The following AGAP1 variants were observed in gnomAD, a reference collection of about 807,000 sequenced individuals.
AGAP1 encodes the protein ArfGAP with GTPase domain, ankyrin repeat and PH domain 1.
A neutral mutation model predicts 105.3 loss-of-function variants in AGAP1; 29 were observed. The observed-to-expected ratio is 0.28, with a 90% CI of 0.21 to 0.38. The LOEUF (loss-of-function observed/expected upper bound fraction) is 0.38, where lower values mean the gene tolerates loss of function less well. Among genes scored for constraint, AGAP1 ranks in the 10% least tolerant of loss-of-function variants. The pLI is 1.00. For missense variants in AGAP1, 998 were observed against 1,165.1 expected (o/e 0.86, Z 2.09); for synonymous variants, 509 against 485.9 (o/e 1.05, Z -0.63).
chr2:235,886,655 A>G (rs551487191), intron 10 of AGAP1, among the ~76,000 whole-genome samples: 1 of 152,308 alleles, frequency 6.6e-6, no homozygotes, highest in Non-Finnish European at 1.5e-5. Context: ...AGCCAATGTC[A>G]TTTTCAAATG....
At chr2:235,804,757 C>T (rs1314597825) in intron 8 of AGAP1, among the ~76,000 whole-genome samples, 1 of 152,192 alleles carries the variant, frequency 6.6e-6, no homozygotes, top group Non-Finnish European at 1.5e-5. Context: ...ACTATGGTGG[C>T]TTGCTGTGCG....
rs1951978011 is a variant in AGAP1 at position 235,732,014 on chromosome 2, C to G, written c.311-8949C>G. ...TTTCTCCAGCACAAAAACCTGTGTG[C>G]TGTTTTTCTGCAGACCTTGGTTTTC... On this transcript the variant is annotated intron_variant, in intron 3 of 17. Transcript: ENST00000304032. The surrounding 1 kb of genome is among the most constrained non-coding windows in gnomAD (Gnocchi z 4.8). Among the ~76,000 whole-genome samples, 1 of 152,138 alleles carries G rather than the reference C, an allele frequency of 6.6e-6. No homozygotes were observed. Among genetic ancestry groups the G allele is most frequent in the Admixed American group, 6.5e-5 (1 of 15,274 alleles).
At chr2:236,021,184 A>AAT (rs954386656) in intron 13 of AGAP1, among the ~76,000 whole-genome samples, 9 of 151,496 alleles carry the variant, frequency 5.9e-5, no homozygotes, top group African/African-American at 2.2e-4. Flanking sequence ...AAAAAAAAAA[A>AAT]CTAATACAGA....
chr2:235,998,356 T>C (rs1056994453), intron 13 of AGAP1, among the ~76,000 whole-genome samples: 1 of 152,214 alleles, frequency 6.6e-6, no homozygotes, highest in Non-Finnish European at 1.5e-5. Context: ...CTGAGACATA[T>C]GTCAGGTTTC....
chr2:235,935,157 G>A (rs1442372357), intron 12 of AGAP1, among the ~76,000 whole-genome samples: 3 of 152,162 alleles, frequency 2.0e-5, no homozygotes, highest in Non-Finnish European at 4.4e-5. Flanking sequence ...AGTACCTGAG[G>A]TTTAAAATTA....
At position 235,983,639 on chromosome 2, in the gene AGAP1, C is replaced by T. The variant is rs905159138; in HGVS notation, c.1645+15016C>T. On this transcript the variant is annotated intron_variant, in intron 13 of 17. Coordinates refer to ENST00000304032, the MANE Select transcript of AGAP1 (RefSeq NM_001037131.3). This position sits in a 1 kb window ranked among gnomAD's most constrained non-coding sequence, Gnocchi z 4.5. Reference sequence around the variant, plus strand: ...TGGTGGTCCCATGAGATTATAATACCGTGTCCTTACTGTGCCTTTTCTATG... The same window carrying T: ...TGGTGGTCCCATGAGATTATAATACTGTGTCCTTACTGTGCCTTTTCTATG... Among the ~76,000 whole-genome samples the T allele has an allele frequency of 1.3e-5, 2 of 152,048 alleles. No individual in the cohort carries two copies. The highest frequency in any genetic ancestry group is 2.4e-5 in the African/African-American group (1 of 41,398).
At position 235,553,336 on chromosome 2, in the gene AGAP1, T is replaced by G. The variant is rs540911250; in HGVS notation, c.163+58487T>G. 2.2e-4 allele frequency among the ~76,000 whole-genome samples: 33 copies of G among 151,986 alleles called. No homozygotes were observed. The highest frequency in any genetic ancestry group is 8.0e-4 in the African/African-American group (33 of 41,448). On this transcript the variant is annotated intron_variant, in intron 1 of 17. Transcript: ENST00000304032. This position sits in a 1 kb window ranked among gnomAD's most constrained non-coding sequence, Gnocchi z 4.5. ...CAGTGGGGGTCAGAGGAAGTTGGGTTTTTTTTTGTCTTGGTCAGGTCACGA... is the reference window on the plus strand; with the variant it reads ...CAGTGGGGGTCAGAGGAAGTTGGGTGTTTTTTTGTCTTGGTCAGGTCACGA...
chr2:235,696,472 C>A (rs565190235), intron 1 of AGAP1, among the ~76,000 whole-genome samples: 1 of 152,102 alleles, frequency 6.6e-6, no homozygotes, highest in African/African-American at 2.4e-5. Context: ...GGTCGGGTGC[C>A]CCAGCTTCCA....
At chr2:235,972,182 T>TGACCAAGTGCTGAAAAGATGG (rs2125364387) in intron 13 of AGAP1, among the ~76,000 whole-genome samples, 1 of 152,370 alleles carries the variant, frequency 6.6e-6, no homozygotes, top group East Asian at 1.9e-4. Context: ...CTCTATCGCC[T>TGACCAAGTGCTGAAAAGATGG]GACCAAGTGC....
rs1575273955 is a variant in AGAP1 at position 235,736,658 on chromosome 2, C to T, written c.311-4305C>T. ...CCGCTTGAGCCCAGGAGTTCGAGAC[C>T]AGCCTGGGCAACACAATGAGGCCCC... On this transcript the variant is annotated intron_variant, in intron 3 of 17. Coordinates refer to ENST00000304032, the MANE Select transcript of AGAP1 (RefSeq NM_001037131.3). This position sits in a 1 kb window ranked among gnomAD's most constrained non-coding sequence, Gnocchi z 5.5. Among the ~76,000 whole-genome samples the T allele has an allele frequency of 6.6e-6, 1 of 152,074 alleles. No individual in the cohort carries two copies. Among genetic ancestry groups the T allele is most frequent in the South Asian group, 2.1e-4 (1 of 4,828 alleles).
chr2:235,646,110 A>G (rs1947374358), intron 1 of AGAP1, among the ~76,000 whole-genome samples: 1 of 152,036 alleles, frequency 6.6e-6, no homozygotes, highest in Non-Finnish European at 1.5e-5. Context: ...TCTAGTCTGT[A>G]CTGAAAATAC....
Position 235,872,639 on chromosome 2 carries a change from G to A in AGAP1, c.1051-10706G>A, listed in dbSNP as rs891087543. Among the ~76,000 whole-genome samples the A allele has an allele frequency of 9.9e-5, 15 of 152,218 alleles. No homozygotes were observed. The highest frequency in any genetic ancestry group is 3.6e-4 in the African/African-American group (15 of 41,524). On this transcript the variant is annotated intron_variant, in intron 9 of 17. Transcript: ENST00000304032. This position sits in a 1 kb window ranked among gnomAD's most constrained non-coding sequence, Gnocchi z 4.5. Reference sequence around the variant, plus strand: ...TATTTTTAGGGTTTTCCATTTTCTTGGTCCTTAGAGTAGGAAGTGTGAAAG... The same window carrying A: ...TATTTTTAGGGTTTTCCATTTTCTTAGTCCTTAGAGTAGGAAGTGTGAAAG...
chr2:236,035,195 T>G lies in AGAP1; in HGVS notation c.1646-1366T>G, dbSNP rs138225722. ...AATGGCCACGGGCTGGTGACAGAGA[T>G]AAGTAAAGTGGTTGGCAGGCAGGTA... On this transcript the variant is annotated intron_variant, in intron 13 of 17. Coordinates refer to ENST00000304032, the MANE Select transcript of AGAP1 (RefSeq NM_001037131.3). The surrounding 1 kb of genome is among the most constrained non-coding windows in gnomAD (Gnocchi z 4.2). Among the ~76,000 whole-genome samples the G allele has an allele frequency of 9.8e-4, 149 of 152,088 alleles. 1 individual carries two copies. Among genetic ancestry groups the G allele is most frequent in the African/African-American group, 3.4e-3 (140 of 41,478 alleles).
intron 1 of AGAP1, chr2:235,524,409 G>A: frequency 4.4e-6 from 1 of 228,124 alleles, no homozygotes; most frequent in South Asian, 4.9e-5. Context: ...TGATATTTTT[G>A]CACAGCCTGA....
chr2:235,528,358 T>TCCCCCG (rs1350060081), intron 1 of AGAP1, among the ~76,000 whole-genome samples: 40 of 57,502 alleles, frequency 7.0e-4, no homozygotes, highest in African/African-American at 2.5e-3. Context: ...CCCCTCCCCC[T>TCCCCCG]CCCCCGCCCC....
chr2:235,815,806 A>T lies in AGAP1; in HGVS notation c.1050+8475A>T, dbSNP rs1282292980. Among the ~76,000 whole-genome samples the T allele has an allele frequency of 4.6e-5, 7 of 152,176 alleles. No homozygotes were observed. The East Asian group carries it at 1.2e-3, about 25-fold the overall frequency. ...TGGTAAACTGTTGTCATTTGAAATAAGACTGTTGCTGGAACGAATCCTTAT... is the reference window on the plus strand; with the variant it reads ...TGGTAAACTGTTGTCATTTGAAATATGACTGTTGCTGGAACGAATCCTTAT... On this transcript the variant is annotated intron_variant, in intron 9 of 17. Coordinates refer to ENST00000304032, the MANE Select transcript of AGAP1 (RefSeq NM_001037131.3).
intron 1 of AGAP1, among the ~76,000 whole-genome samples, chr2:235,698,548 G>A (rs1325967084): frequency 6.6e-6 from 1 of 152,168 alleles, no homozygotes; most frequent in Non-Finnish European, 1.5e-5. Flanking sequence ...CAAGGACTCA[G>A]CAGTTTCATT....
Position 236,119,836 on chromosome 2 carries a change from A to G in AGAP1, c.2115-356A>G, listed in dbSNP as rs1165461970. ...TTTTCTTTCCAAGGACAGCTTCTAC[A>G]CTAAAAGTGACAGAAGCAGCACCAA... On this transcript the variant is annotated intron_variant, in intron 16 of 17. Transcript: ENST00000304032. This position sits in a 1 kb window ranked among gnomAD's most constrained non-coding sequence, Gnocchi z 6.6. Among the ~76,000 whole-genome samples the G allele has an allele frequency of 6.6e-6, 1 of 152,062 alleles. No homozygotes were observed. The highest frequency in any genetic ancestry group is 1.5e-5 in the Non-Finnish European group (1 of 68,024).
chr2:235,853,049 G>C (rs1327045199), intron 9 of AGAP1: 4 of 1,240,316 alleles, frequency 3.2e-6, no homozygotes, highest in African/African-American at 1.5e-5. Flanking sequence ...AATTTCTATA[G>C]CGGGCAATTC....
Sources: gnomAD v4.1 joint callset for allele counts (sites outside exome capture counted in the v4.1 genomes callset) on GRCh38, gnomAD v4.1.1 for gene constraint, Gnocchi (gnomAD v3.1) non-coding constraint, MANE v1.5 for transcripts, NCBI Gene and HGNC (gene_info 2026-07-23, HGNC 2026-07-21) for gene names.